Variants in B3GLCT observed in about 807,000 individuals in gnomAD.
B3GLCT encodes the protein beta-1,3-glucosyltransferase.
A neutral mutation model predicts 63.4 loss-of-function variants in B3GLCT; 65 were observed. That is an observed-to-expected ratio of 1.03 (90% CI 0.84 to 1.26). The LOEUF is 1.26. B3GLCT is among the 50% of genes most tolerant of loss of function. B3GLCT has a pLI of 0.00. For synonymous variants in B3GLCT, 233 were observed against 219.2 expected (o/e 1.06, Z -0.55); for missense variants, 577 against 604.8 (o/e 0.95, Z 0.48).
At chr13:31,300,508 C>CA (rs1198088505) in intron 12 of B3GLCT, among the ~76,000 whole-genome samples, 1 of 152,108 alleles carries the variant, frequency 6.6e-6, no homozygotes, top group African/African-American at 2.4e-5. Context: ...ACTGAGAACT[C>CA]AGAGACTAGG....
intron 6 of B3GLCT, among the ~76,000 whole-genome samples, chr13:31,252,456 G>A (rs1245496607): frequency 2.0e-5 from 3 of 152,178 alleles, no homozygotes; most frequent in African/African-American, 4.8e-5. Context: ...CCATCAGTGT[G>A]CTGTGTTTGG....
chr13:31,323,770 G>A lies in B3GLCT; in HGVS notation c.1204G>A (p.Ala402Thr). 1 of 1,614,176 alleles carries A rather than the reference G, an allele frequency of 6.2e-7. No homozygotes were observed. Among genetic ancestry groups the A allele is most frequent in the Non-Finnish European group, 8.5e-7 (1 of 1,180,028 alleles). ...CACTAGAATGGTCTTCAGCAGAGAA[G>A]CCGTCAGGAGACTTCTCGCCAGTAA... Reference protein sequence around the residue: ...GGGGMVFSREAVRRLLASKCR... With the variant: ...GGGGMVFSRETVRRLLASKCR... Residue 402 changes from alanine (A) to threonine (T), a missense_variant, in exon 14 of 15, where the codon GCC becomes ACC. Coordinates refer to ENST00000343307, the MANE Select transcript of B3GLCT (RefSeq NM_194318.4).
intron 12 of B3GLCT, among the ~76,000 whole-genome samples, chr13:31,288,797 T>C (rs1034573026): frequency 2.7e-4 from 41 of 151,948 alleles, no homozygotes; most frequent in Non-Finnish European, 4.9e-4. Flanking sequence ...CAATACCAGA[T>C]ATGCAGATAT....
chr13:31,313,069 CAG>C (rs927422011), intron 12 of B3GLCT: 3 of 152,192 alleles, frequency 2.0e-5, no homozygotes, highest in Admixed American at 6.5e-5. Flanking sequence ...TGTCACTGGT[CAG>C]AGTTTCTTTT....
At chr13:31,222,521 A>G (rs1869865882) in intron 2 of B3GLCT, among the ~76,000 whole-genome samples, 2 of 152,240 alleles carry the variant, frequency 1.3e-5, no homozygotes, top group Non-Finnish European at 2.9e-5. Context: ...ATAAAGTGCA[A>G]TAATTAGTAG....
intron 4 of B3GLCT, among the ~76,000 whole-genome samples, chr13:31,242,673 C>T (rs1200343355): frequency 1.3e-5 from 2 of 152,150 alleles, no homozygotes; most frequent in Non-Finnish European, 2.9e-5. Context: ...AAATACTGAG[C>T]TTTACAGCCT....
Position 31,253,368 on chromosome 13 carries a change from G to A in B3GLCT, c.459+5402G>A, listed in dbSNP as rs532826350. ...GCACTTTGGGAGGCCAAGGTGGGTG[G>A]ATCACGAGGTCGGGAGATTGAGACC... On this transcript the variant is annotated intron_variant, in intron 6 of 14. Coordinates refer to ENST00000343307, the MANE Select transcript of B3GLCT (RefSeq NM_194318.4). 1.2e-4 allele frequency among the ~76,000 whole-genome samples: 18 copies of A among 152,112 alleles called. 1 individual carries two copies. The highest frequency in any genetic ancestry group is 4.3e-4 in the African/African-American group (18 of 41,492).
chr13:31,311,559 T>C (rs1465882087), intron 12 of B3GLCT: 1 of 152,264 alleles, frequency 6.6e-6, no homozygotes, highest in African/African-American at 2.4e-5. Flanking sequence ...TCAACCACTT[T>C]GTAAAGCTGA....
chr13:31,222,314 G>T (rs1869854369), intron 2 of B3GLCT, among the ~76,000 whole-genome samples: 1 of 151,942 alleles, frequency 6.6e-6, no homozygotes, highest in South Asian at 2.1e-4. Flanking sequence ...CTGACCTTGT[G>T]ATCCACCTGC....
intron 12 of B3GLCT, among the ~76,000 whole-genome samples, chr13:31,308,681 T>C (rs1283401135): frequency 1.3e-5 from 2 of 152,188 alleles, no homozygotes; most frequent in Non-Finnish European, 2.9e-5. Flanking sequence ...ATAATCCATT[T>C]TTATAAAGGT....
intron 8 of B3GLCT, 107 bp downstream of exon 8, chr13:31,269,384 C>G (rs150395320): frequency 2.0e-5 from 15 of 746,006 alleles, no homozygotes; most frequent in Non-Finnish European, 3.5e-5. Flanking sequence ...CCACCCACAT[C>G]TACTCCCCAC....
intron 12 of B3GLCT, among the ~76,000 whole-genome samples, chr13:31,291,716 G>A (rs534920246): frequency 6.6e-6 from 1 of 152,272 alleles, no homozygotes; most frequent in African/African-American, 2.4e-5. Context: ...GAGATTTTGG[G>A]CTGAGATGAT....
intron 12 of B3GLCT, among the ~76,000 whole-genome samples, chr13:31,314,325 A>G (rs192679601): frequency 2.0e-5 from 3 of 152,308 alleles, no homozygotes; most frequent in African/African-American, 2.4e-5. Context: ...CAGACACTCA[A>G]TGTCAGCCTG....
At chr13:31,212,471 C>T (rs1164202214) in intron 1 of B3GLCT, among the ~76,000 whole-genome samples, 1 of 151,998 alleles carries the variant, frequency 6.6e-6, no homozygotes, top group Non-Finnish European at 1.5e-5. Context: ...GATGGGGTTT[C>T]ACTGTTTTGG....
At chr13:31,301,838 C>T (rs902993905) in intron 12 of B3GLCT, among the ~76,000 whole-genome samples, 4 of 152,254 alleles carry the variant, frequency 2.6e-5, no homozygotes, top group Admixed American at 2.6e-4. Flanking sequence ...CTTTCCTCCA[C>T]TCAGTCTTTA....
intron 6 of B3GLCT, among the ~76,000 whole-genome samples, chr13:31,255,014 G>A (rs1871653828): frequency 9.2e-6 from 1 of 108,708 alleles, no homozygotes; most frequent in Non-Finnish European, 1.8e-5. Flanking sequence ...TCCCGCCCAG[G>A]TGACAGTGCA....
intron 3 of B3GLCT, among the ~76,000 whole-genome samples, chr13:31,227,828 T>C (rs1193403915): frequency 6.6e-6 from 1 of 152,228 alleles, no homozygotes; most frequent in Non-Finnish European, 1.5e-5. Context: ...AGAGAAAGAT[T>C]CATGGTGGGG....
chr13:31,211,310 C>T (rs7325870), intron 1 of B3GLCT, among the ~76,000 whole-genome samples: 12,692 of 152,136 alleles, frequency 0.083, 1,342 homozygotes, highest in East Asian at 0.44. Context: ...AGGAGAGAAT[C>T]GCTTGAACCT....
chr13:31,312,227 T>C (rs1343203572), intron 12 of B3GLCT: 1 of 152,202 alleles, frequency 6.6e-6, no homozygotes, highest in African/African-American at 2.4e-5. Flanking sequence ...TATGTCCTCA[T>C]TTGATTGAAT....
Sources: allele counts gnomAD v4.1 joint callset (sites outside exome capture counted in the v4.1 genomes callset), GRCh38; gene constraint gnomAD v4.1.1; transcripts MANE v1.5; gene names NCBI Gene and HGNC (gene_info 2026-07-23, HGNC 2026-07-21).